The following PCDH19 variants were observed in gnomAD, a reference collection of about 807,000 sequenced individuals.
PCDH19 encodes protocadherin-19.
PCDH19 carries 6 observed loss-of-function variants against 46.2 expected under a neutral mutation model. That is an observed-to-expected ratio of 0.13 (90% CI 0.07 to 0.26). The LOEUF (loss-of-function observed/expected upper bound fraction) is 0.26, where lower values mean the gene tolerates loss of function less well. Among genes scored for constraint, PCDH19 ranks in the 10% least tolerant of loss-of-function variants. PCDH19 has a pLI of 1.00. For synonymous variants in PCDH19, 481 were observed against 415.7 expected (o/e 1.16, Z -1.91); for missense variants, 740 against 972.3 (o/e 0.76, Z 3.18).
rs1926715504 is a variant in PCDH19 at position 100,356,403 on chromosome X, G to A, written c.2617-5699C>T. Among the ~76,000 whole-genome samples, 7 of 111,419 alleles carry A rather than the reference G, an allele frequency of 6.3e-5. No homozygotes were observed. In the Admixed American group the frequency reaches 6.7e-4, roughly 11 times the overall value. On this transcript the variant is annotated intron_variant, in intron 3 of 5. Coordinates refer to ENST00000373034, the MANE Select transcript of PCDH19 (RefSeq NM_001184880.2). ...GAAAAGACACATAACCTTTCCTAAA[G>A]CTGGTTGCTGTTTTAGATGTTCAAA...
intron 5 of PCDH19, among the ~76,000 whole-genome samples, chrX:100,337,292 C>T (rs182335454): frequency 1.5e-3 from 172 of 111,698 alleles, no homozygotes; most frequent in Non-Finnish European, 2.4e-3. Context: ...ACCAAATTGC[C>T]TCAAGAACCA....
chrX:100,344,876 G>C (rs1926350881), intron 4 of PCDH19, among the ~76,000 whole-genome samples: 1 of 105,206 alleles, frequency 9.5e-6, no homozygotes, highest in Admixed American at 1.1e-4. Context: ...CCACTTAAAG[G>C]AAAAAAACCA....
chrX:100,321,445 T>G (rs1014104604), intron 5 of PCDH19, among the ~76,000 whole-genome samples: 6 of 111,931 alleles, frequency 5.4e-5, no homozygotes, highest in Non-Finnish European at 1.1e-4. Context: ...TTTTTTGACT[T>G]TTTGATTATG....
At chrX:100,377,778 T>A (rs933455524) in intron 3 of PCDH19, among the ~76,000 whole-genome samples, 3 of 112,049 alleles carry the variant, frequency 2.7e-5, no homozygotes, top group Non-Finnish European at 5.6e-5. Flanking sequence ...AACCTAATAC[T>A]CTACACGTTG....
chrX:100,370,992 CATGTGTGTGTGT>C (rs1927200422), intron 3 of PCDH19, among the ~76,000 whole-genome samples: 1 of 43,117 alleles, frequency 2.3e-5, no homozygotes, highest in African/African-American at 6.6e-5. Context: ...AGTGTGTGTG[CATGTGTGTGTGT>C]GTGTGTGTGT....
At chrX:100,405,247 GAC>G (rs1031622091) in intron 1 of PCDH19, among the ~76,000 whole-genome samples, 1 of 112,281 alleles carries the variant, frequency 8.9e-6, no homozygotes, top group African/African-American at 3.2e-5. Flanking sequence ...TGGCACAAAA[GAC>G]ACACTGATGT....
chrX:100,386,217 C>T (rs1054666441), intron 3 of PCDH19, among the ~76,000 whole-genome samples: 2 of 110,858 alleles, frequency 1.8e-5, no homozygotes, highest in African/African-American at 6.6e-5. Context: ...CGAACAGCAG[C>T]CATAGGAAGT....
chrX:100,361,082 ATAATTACC>A (rs1926867077), intron 3 of PCDH19, among the ~76,000 whole-genome samples: 1 of 111,864 alleles, frequency 8.9e-6, no homozygotes, highest in African/African-American at 3.3e-5. Flanking sequence ...ATAGAAAGCC[ATAATTACC>A]CTTCACAAAG....
At chrX:100,363,886 T>A (rs111941809) in intron 3 of PCDH19, among the ~76,000 whole-genome samples, 7 of 98,040 alleles carry the variant, frequency 7.1e-5, no homozygotes, top group African/African-American at 1.6e-4. Context: ...TGTGTGTGTG[T>A]GAGAGAGAGG....
At chrX:100,319,746 A>G (rs903447219) in intron 5 of PCDH19, among the ~76,000 whole-genome samples, 2 of 112,240 alleles carry the variant, frequency 1.8e-5, no homozygotes, top group African/African-American at 3.2e-5. Flanking sequence ...AGTAGTCCTG[A>G]ACTAATGGCC....
intron 3 of PCDH19, among the ~76,000 whole-genome samples, chrX:100,388,001 T>C (rs1447656556): frequency 9.0e-6 from 1 of 111,474 alleles, no homozygotes; most frequent in Non-Finnish European, 1.9e-5. Flanking sequence ...TACTGCATAG[T>C]ATTACGGTTA....
intron 5 of PCDH19, among the ~76,000 whole-genome samples, chrX:100,299,164 A>G (rs1924702790): frequency 9.0e-6 from 1 of 111,265 alleles, no homozygotes; most frequent in African/African-American, 3.3e-5. Context: ...TTTTGTCCCT[A>G]CCTGAAAGGC....
chrX:100,317,118 C>T (rs1164110212), intron 5 of PCDH19, among the ~76,000 whole-genome samples: 2 of 111,651 alleles, frequency 1.8e-5, no homozygotes, highest in Non-Finnish European at 3.8e-5. Context: ...CCCATCTTCA[C>T]TTCTGACTCT....
rs1018781176 is a variant in PCDH19, at chrX:100,296,717, C to T, written c.3007G>A (p.Glu1003Lys). The change falls in exon 6 of 6, where the codon GAG (glutamate) becomes AAG (lysine). Residue 1003 changes from glutamate (E) to lysine (K), a missense_variant. Around this residue, in one of 5 missense-constraint regions of PCDH19, gnomAD observed 416 missense variants for 476.8 expected, o/e 0.87. Transcript: ENST00000373034. ...LSIEATAADV[E>K]AYDDCGPTKR... is the part of the protein sequence containing the mutation. ...GTGGGGCCGCAGTCGTCATAAGCCT[C>T]GACATCAGCAGCAGTAGCTTCAATA... 4 of 1,209,307 alleles carry T rather than the reference C, an allele frequency of 3.3e-6. No individual in the cohort carries two copies. The highest frequency in any genetic ancestry group is 1.8e-5 in the African/African-American group (1 of 56,878).
At chrX:100,363,890 A>T (rs867167073) in intron 3 of PCDH19, among the ~76,000 whole-genome samples, 3 of 34,135 alleles carry the variant, frequency 8.8e-5, no homozygotes, top group Admixed American at 3.3e-4. Context: ...TGTGTGTGAG[A>T]GAGAGGGAGA....
chrX:100,322,865 A>ATTTTTTT (rs57520956), intron 5 of PCDH19, among the ~76,000 whole-genome samples: 55 of 54,354 alleles, frequency 1.0e-3, no homozygotes, highest in Non-Finnish European at 1.2e-3. Flanking sequence ...ATATATATAT[A>ATTTTTTT]TTTTTGCAGC....
chrX:100,374,677 C>T (rs866344152), intron 3 of PCDH19, among the ~76,000 whole-genome samples: 7 of 112,042 alleles, frequency 6.2e-5, no homozygotes, highest in Non-Finnish European at 1.3e-4. Flanking sequence ...CAGTGGCTCA[C>T]GCCTGTAATC....
chrX:100,299,280 G>T (rs1477255405), intron 5 of PCDH19, among the ~76,000 whole-genome samples: 3 of 112,141 alleles, frequency 2.7e-5, no homozygotes, highest in Admixed American at 9.4e-5. Flanking sequence ...CAGGCCACTT[G>T]CTCACACTTC....
chrX:100,309,378 A>G (rs1436782645), intron 5 of PCDH19, among the ~76,000 whole-genome samples: 1 of 111,333 alleles, frequency 9.0e-6, no homozygotes, highest in Non-Finnish European at 1.9e-5. Flanking sequence ...TTGGAGACTC[A>G]GGGGAAAGGG....
Sources: gnomAD v4.1 joint callset for allele counts (sites outside exome capture counted in the v4.1 genomes callset) on GRCh38, gnomAD v4.1.1 for gene constraint, gnomAD v4.1.1 regional missense constraint, MANE v1.5 for transcripts, NCBI Gene and HGNC (gene_info 2026-07-23, HGNC 2026-07-21) for gene names.